The following KCTD1 variants were observed in gnomAD, a reference collection of about 807,000 sequenced individuals.
The protein encoded by KCTD1 is BTB/POZ domain-containing protein KCTD1.
A neutral mutation model predicts 66.0 loss-of-function variants in KCTD1; 24 were observed. That is an observed-to-expected ratio of 0.36 (90% confidence interval 0.26 to 0.51). KCTD1 has a LOEUF of 0.51. Ranked by LOEUF, KCTD1 falls within the 20% of genes least tolerant of loss-of-function variation. The pLI is 0.95. For synonymous variants in KCTD1, 511 were observed against 517.2 expected (o/e 0.99, Z 0.16); for missense variants, 943 against 1,205.2 (o/e 0.78, Z 3.22).
At chr18:26,583,568 C>T (rs1471188363) in intron 1 of KCTD1, among the ~76,000 whole-genome samples, 1 of 152,064 alleles carries the variant, frequency 6.6e-6, no homozygotes, top group Non-Finnish European at 1.5e-5. Flanking sequence ...AAATGGTACT[C>T]TCTGATGTAC....
intron 2 of KCTD1, among the ~76,000 whole-genome samples, chr18:26,479,121 G>C (rs990906594): frequency 2.6e-5 from 4 of 152,248 alleles, no homozygotes; most frequent in African/African-American, 2.4e-5. Flanking sequence ...ATAGAAAAAA[G>C]CTGCAAAGAG....
At chr18:26,607,516 C>A (rs1287886461) in intron 1 of KCTD1, among the ~76,000 whole-genome samples, 1 of 152,198 alleles carries the variant, frequency 6.6e-6, no homozygotes, top group Non-Finnish European at 1.5e-5. Flanking sequence ...ATATGTAATT[C>A]TTTCTCTTTT....
chr18:26,566,830 T>TAAAAAAAAA (rs56100093), intron 1 of KCTD1: 1 of 114,376 alleles, frequency 8.7e-6, no homozygotes. Context: ...AGGCAAGATC[T>TAAAAAAAAA]AAAAAAAAAA....
intron 4 of KCTD1, 150 bp downstream of exon 4, chr18:26,459,470 G>T: frequency 1.5e-6 from 1 of 689,426 alleles, no homozygotes; most frequent in African/African-American, 1.8e-5. Context: ...CGGAATGACT[G>T]CTATAGAGGG....
At chr18:26,473,566 A>AT (rs1567959316) in intron 3 of KCTD1, among the ~76,000 whole-genome samples, 1 of 11,868 alleles carries the variant, frequency 8.4e-5, no homozygotes, top group East Asian at 1.2e-3. Context: ...CTTAAAATTA[A>AT]TAATAATAAT....
intron 1 of KCTD1, chr18:26,600,343 G>A: frequency 6.9e-7 from 1 of 1,441,410 alleles, no homozygotes; most frequent in Non-Finnish European, 9.8e-7. Context: ...TGATGCCTAG[G>A]AAGGGCCTGA....
intron 4 of KCTD1, 113 bp from the exon 5 acceptor site, chr18:26,456,014 T>C (rs1230560985): frequency 2.0e-6 from 2 of 987,066 alleles, no homozygotes; most frequent in African/African-American, 1.6e-5. Flanking sequence ...CCAGCACCCA[T>C]GTCCCTGTGA....
chr18:26,588,667 A>G (rs1392780646), intron 1 of KCTD1, among the ~76,000 whole-genome samples: 1 of 152,162 alleles, frequency 6.6e-6, no homozygotes, highest in Non-Finnish European at 1.5e-5. Context: ...CTGGGCTGTC[A>G]AAGAAGCACA....
intron 1 of KCTD1, chr18:26,629,031 G>C (rs1987562704): frequency 8.2e-6 from 2 of 245,344 alleles, no homozygotes; most frequent in Non-Finnish European, 1.3e-5. Context: ...CAGTCTCAGG[G>C]AGTTTAAGTG....
chr18:26,519,592 A>T (rs935596841), intron 1 of KCTD1, among the ~76,000 whole-genome samples: 2 of 152,200 alleles, frequency 1.3e-5, no homozygotes, highest in Non-Finnish European at 2.9e-5. Flanking sequence ...ATTTATATAA[A>T]CTAAGACTCA....
At position 26,593,348 on chromosome 18, in the gene KCTD1, GGAGGAGGAGGAA is replaced by G. The variant is rs1435904927; in HGVS notation, c.-16+35787_-16+35798del. ...AAGAGGAGGAGGAAGAGGAGGAAGA[GGAGGAGGAGGAA>G]GAGGAGGAGGAGGAAGAGGAGGAGG... On this transcript the variant is annotated intron_variant, in intron 1 of 4. Coordinates refer to the KCTD1 transcript ENST00000317932. Among the ~76,000 whole-genome samples, 3 of 46,156 alleles carry G rather than the reference GGAGGAGGAGGAA, an allele frequency of 6.5e-5. No homozygotes were observed. In the East Asian group the frequency reaches 7.5e-3, roughly 116 times the overall value. The allele number at this position is 46,156 out of a possible 152,430, so 30.3% of individuals were successfully genotyped here.
At chr18:26,656,016 AAAG>A (rs1988126793) in intron 1 of KCTD1, among the ~76,000 whole-genome samples, 1 of 151,946 alleles carries the variant, frequency 6.6e-6, no homozygotes, top group Non-Finnish European at 1.5e-5. Context: ...CACATTCAAT[AAAG>A]AAGGGTGGCG....
At chr18:26,637,750 G>A (rs1387973117) in intron 1 of KCTD1, among the ~76,000 whole-genome samples, 1 of 152,208 alleles carries the variant, frequency 6.6e-6, no homozygotes, top group Non-Finnish European at 1.5e-5. Context: ...CTGGGCTTTG[G>A]GGTCCACTGA....
chr18:26,582,993 T>C (rs1986389656), intron 1 of KCTD1, among the ~76,000 whole-genome samples: 1 of 152,020 alleles, frequency 6.6e-6, no homozygotes, highest in African/African-American at 2.4e-5. Context: ...TCTGAAAGAA[T>C]ATAAACAAAA....
rs540663468 is a variant in KCTD1 at position 26,479,904 on chromosome 18, A to C, written c.1989-3245T>G. ...GACATGTGAATGGAGTTACAAATCA[A>C]ACTGCAGTGATTTGTAAACTCTGAT... is the stretch of plus-strand genomic sequence containing the variant. On this transcript the variant is annotated intron_variant, in intron 2 of 4. Coordinates refer to ENST00000580059, the MANE Select transcript of KCTD1 (RefSeq NM_001142730.3). Among the ~76,000 whole-genome samples, 7 of 152,336 alleles carry C rather than the reference A, an allele frequency of 4.6e-5. No individual in the cohort carries two copies. In the South Asian group the frequency reaches 1.5e-3, roughly 32 times the overall value.
At chr18:26,456,925 TAAAAA>T (rs1004481511) in intron 4 of KCTD1, 1 of 136,774 alleles carries the variant, frequency 7.3e-6, no homozygotes, top group Admixed American at 7.4e-5. Flanking sequence ...AATCATAACT[TAAAAA>T]AAAAAAACAA....
At chr18:26,512,366 G>A (rs1983380372) in intron 1 of KCTD1, among the ~76,000 whole-genome samples, 2 of 151,644 alleles carry the variant, frequency 1.3e-5, no homozygotes, top group African/African-American at 4.9e-5. Context: ...GCCTCTTAAA[G>A]TGCTAAGATT....
intron 1 of KCTD1, among the ~76,000 whole-genome samples, chr18:26,619,387 A>T (rs1476030434): frequency 6.6e-6 from 1 of 152,244 alleles, no homozygotes; most frequent in Admixed American, 6.5e-5. Flanking sequence ...AAAAGGAAAA[A>T]TTTCCATACT....
At chr18:26,597,253 A>G (rs1341371993) in intron 1 of KCTD1, among the ~76,000 whole-genome samples, 1 of 151,958 alleles carries the variant, frequency 6.6e-6, no homozygotes, top group Non-Finnish European at 1.5e-5. Context: ...GGCATCCCAT[A>G]AAGGAGTGGC....
Sources: allele counts gnomAD v4.1 joint callset (sites outside exome capture counted in the v4.1 genomes callset), GRCh38; gene constraint gnomAD v4.1.1; transcripts MANE v1.5; gene names NCBI Gene and HGNC (gene_info 2026-07-23, HGNC 2026-07-21).